The following SLC17A6 variants were observed in gnomAD, a reference collection of about 807,000 sequenced individuals.
SLC17A6 encodes the protein solute carrier family 17 member 6.
SLC17A6 carries 35 observed loss-of-function variants against 67.1 expected under a neutral mutation model. That is an observed-to-expected ratio of 0.52 (90% CI 0.40 to 0.69). SLC17A6 has a LOEUF of 0.69. Ranked by LOEUF, SLC17A6 falls within the 30% of genes least tolerant of loss-of-function variation. The probability of loss-of-function intolerance (pLI) is 0.00; values close to 1 mark genes in which losing one functional copy is unlikely to be tolerated. For synonymous variants in SLC17A6, 285 were observed against 252.3 expected (o/e 1.13, Z -1.23); for missense variants, 588 against 723.9 (o/e 0.81, Z 2.15).
At chr11:22,339,505 C>T (rs191224545) in intron 1 of SLC17A6, among the ~76,000 whole-genome samples, 1 of 152,024 alleles carries the variant, frequency 6.6e-6, no homozygotes, top group Admixed American at 6.6e-5. Context: ...CCTGTAGTCA[C>T]TATACTAATT....
At chr11:22,373,013 C>T (rs149387932) in intron 8 of SLC17A6, among the ~76,000 whole-genome samples, 195 of 152,216 alleles carry the variant, frequency 1.3e-3, no homozygotes, top group African/African-American at 4.5e-3. Context: ...CTAAAATAGT[C>T]TAAAACTTAT....
At chr11:22,338,721 G>A (rs1855765086) in intron 1 of SLC17A6, 102 bp downstream of exon 1, 2 of 858,076 alleles carry the variant, frequency 2.3e-6, no homozygotes, top group Non-Finnish European at 1.9e-6. Context: ...TAATATGATC[G>A]GAAAGTCTTT....
At chr11:22,358,688 G>A (rs975777744) in intron 3 of SLC17A6, among the ~76,000 whole-genome samples, 1 of 152,062 alleles carries the variant, frequency 6.6e-6, no homozygotes, top group Non-Finnish European at 1.5e-5. Context: ...CTTGTAGATG[G>A]ATAAAAGCTT....
chr11:22,374,709 T>C, intron 8 of SLC17A6, 46 bp from the exon 9 acceptor site: 1 of 1,472,922 alleles, frequency 6.8e-7, no homozygotes, highest in Non-Finnish European at 9.1e-7. Context: ...ATTGCCCATA[T>C]TATTTATGGT....
chr11:22,361,586 A>G (rs973244934), intron 5 of SLC17A6, among the ~76,000 whole-genome samples: 4 of 152,084 alleles, frequency 2.6e-5, no homozygotes, highest in Non-Finnish European at 5.9e-5. Flanking sequence ...TTTCCCATTC[A>G]TTGGAACTTT....
At chr11:22,343,880 T>G (rs144767651) in intron 3 of SLC17A6, among the ~76,000 whole-genome samples, 3 of 152,226 alleles carry the variant, frequency 2.0e-5, no homozygotes, top group Non-Finnish European at 4.4e-5. Flanking sequence ...GCACCAGCGA[T>G]GCGATTTCAC....
intron 3 of SLC17A6, among the ~76,000 whole-genome samples, chr11:22,357,525 T>C (rs1856004332): frequency 6.6e-6 from 1 of 152,136 alleles, no homozygotes; most frequent in Non-Finnish European, 1.5e-5. Flanking sequence ...TGTCATACAG[T>C]ACACAGGACA....
chr11:22,370,573 C>G (rs1856164087), intron 8 of SLC17A6, among the ~76,000 whole-genome samples: 1 of 152,120 alleles, frequency 6.6e-6, no homozygotes, highest in Non-Finnish European at 1.5e-5. Context: ...TTACAAATTT[C>G]CAATCTAATT....
chr11:22,371,896 T>C (rs1376937319), intron 8 of SLC17A6, among the ~76,000 whole-genome samples: 1 of 151,990 alleles, frequency 6.6e-6, no homozygotes, highest in Non-Finnish European at 1.5e-5. Context: ...ACATAGGGAA[T>C]TTGCTTTGGG....
Position 22,359,532 on chromosome 11 carries a change from G to T in SLC17A6, c.573+5G>T. ...ATACTGCAGGGACTTGTTGAGGTATGTAACTTCAGGGTGAAGCCTTTTTAA... is the reference window on the plus strand; with the variant it reads ...ATACTGCAGGGACTTGTTGAGGTATTTAACTTCAGGGTGAAGCCTTTTTAA... On this transcript the variant is annotated splice_donor_5th_base_variant and intron_variant, in intron 4 of 11. Transcript: ENST00000263160. The T allele has an allele frequency of 6.4e-7, 1 of 1,554,072 alleles. No homozygotes were observed. Among genetic ancestry groups the T allele is most frequent in the South Asian group, 1.2e-5 (1 of 80,862 alleles).
rs749010095 is a variant in SLC17A6 at position 22,343,225 on chromosome 11, C to CT, written c.340-16dup. 5 of 1,596,336 alleles carry CT rather than the reference C, an allele frequency of 3.1e-6. No homozygotes were observed. The South Asian group carries it at 5.5e-5, about 18-fold the overall frequency. On this transcript the variant is annotated intron_variant, in intron 2 of 11. Coordinates refer to ENST00000263160, the MANE Select transcript of SLC17A6 (RefSeq NM_020346.3). The stretch of plus-strand genomic sequence containing the variant: ...ACTGACTCTACTCTTTCCCTTCACA[C>CT]TTTTTTCCTACCCCTCCATAGAAAG...
chr11:22,352,832 G>A lies in SLC17A6; in HGVS notation c.459-6581G>A, dbSNP rs1229547253. 2.0e-5 allele frequency among the ~76,000 whole-genome samples: 3 copies of A among 152,308 alleles called. No homozygotes were observed. In the East Asian group the frequency reaches 5.8e-4, roughly 29 times the overall value. On this transcript the variant is annotated intron_variant, in intron 3 of 11. Coordinates refer to ENST00000263160, the MANE Select transcript of SLC17A6 (RefSeq NM_020346.3). The stretch of plus-strand genomic sequence containing the variant: ...GACAGTTATTGATTTAAAAAAGACT[G>A]TGAATTTTCTTTTCTGGTCATTTCC...
At chr11:22,341,425 G>A in intron 1 of SLC17A6, 103 bp from the exon 2 acceptor site, 1 of 1,490,414 alleles carries the variant, frequency 6.7e-7, no homozygotes, top group Non-Finnish European at 9.0e-7. Context: ...GGAGGTCGAC[G>A]GCCCTCCTCC....
At chr11:22,375,298 GGAGGCAGAGGTTGCA>G (rs1006066832) in intron 9 of SLC17A6, among the ~76,000 whole-genome samples, 1 of 148,584 alleles carries the variant, frequency 6.7e-6, no homozygotes, top group African/African-American at 2.5e-5. Context: ...CTTGAACCTT[GGAGGCAGAGGTTGCA>G]GTGAGCCGAG....
rs558640122 is a variant in SLC17A6 at position 22,361,934 on chromosome 11, A to G, written c.662-805A>G. On this transcript the variant is annotated intron_variant, in intron 5 of 11. Coordinates refer to ENST00000263160, the MANE Select transcript of SLC17A6 (RefSeq NM_020346.3). ...GCTGTATACTTAAGCCATAAGGTTA[A>G]CAGTATTATTGCCTGTAGCATTTGA... Among the ~76,000 whole-genome samples the G allele has an allele frequency of 2.0e-5, 3 of 152,296 alleles. No individual in the cohort carries two copies. The East Asian group carries it at 5.8e-4, about 29-fold the overall frequency.
intron 3 of SLC17A6, among the ~76,000 whole-genome samples, chr11:22,358,034 C>T (rs535180716): frequency 6.6e-6 from 1 of 152,130 alleles, no homozygotes; most frequent in Non-Finnish European, 1.5e-5. Context: ...TCATTTCTCA[C>T]CTTTCTGTAG....
chr11:22,355,794 T>A (rs953844090), intron 3 of SLC17A6, among the ~76,000 whole-genome samples: 1 of 152,216 alleles, frequency 6.6e-6, no homozygotes, highest in Non-Finnish European at 1.5e-5. Context: ...AGCCATTCCT[T>A]GTTTTTGGAA....
chr11:22,370,575 A>C (rs149072555), intron 8 of SLC17A6, among the ~76,000 whole-genome samples: 67 of 152,270 alleles, frequency 4.4e-4, no homozygotes, highest in African/African-American at 1.6e-3. Flanking sequence ...ACAAATTTCC[A>C]ATCTAATTAT....
At position 22,348,461 on chromosome 11, in the gene SLC17A6, C is replaced by G. The variant is rs140598996; in HGVS notation, c.458+5096C>G. Reference sequence around the variant, plus strand: ...ACATAGCTGATTCTGCCCTTTTCTCCGCAAAAGGCAAACTCCACACTTGAT... The same window carrying G: ...ACATAGCTGATTCTGCCCTTTTCTCGGCAAAAGGCAAACTCCACACTTGAT... On this transcript the variant is annotated intron_variant, in intron 3 of 11. Transcript: ENST00000263160. 5.8e-4 allele frequency among the ~76,000 whole-genome samples: 88 copies of G among 152,074 alleles called. 5 individuals are homozygous for G. Among genetic ancestry groups the G allele is most frequent in the Non-Finnish European group, 7.4e-5 (5 of 68,018 alleles).
Sources: allele counts gnomAD v4.1 joint callset (sites outside exome capture counted in the v4.1 genomes callset), GRCh38; gene constraint gnomAD v4.1.1; transcripts MANE v1.5; gene names NCBI Gene and HGNC (gene_info 2026-07-23, HGNC 2026-07-21).